Variants in CWF19L2 observed in about 807,000 individuals in gnomAD.
CWF19L2 encodes the protein CWF19 like cell cycle control factor 2.
CWF19L2 carries 98 observed loss-of-function variants against 111.7 expected under a neutral mutation model. The observed-to-expected ratio is 0.88, with a 90% CI of 0.75 to 1.04. The LOEUF (loss-of-function observed/expected upper bound fraction) is 1.04, where lower values mean the gene tolerates loss of function less well. Among genes scored for constraint, CWF19L2 ranks in the 50% least tolerant of loss-of-function variants. The pLI is 0.00. For missense variants in CWF19L2, 1,101 were observed against 1,051.4 expected (o/e 1.05, Z -0.65); for synonymous variants, 351 against 342.9 (o/e 1.02, Z -0.26).
chr11:107,405,145 TA>T (rs1294085284), intron 10 of CWF19L2, among the ~76,000 whole-genome samples: 2 of 152,238 alleles, frequency 1.3e-5, no homozygotes, highest in Non-Finnish European at 2.9e-5. Context: ...CATGACAGAT[TA>T]AAATTCTACG....
chr11:107,441,018 T>G (rs921706626), intron 5 of CWF19L2, among the ~76,000 whole-genome samples: 2 of 152,202 alleles, frequency 1.3e-5, no homozygotes, highest in Admixed American at 6.5e-5. Flanking sequence ...GTCATCAGCT[T>G]CAGCACTTCC....
In CWF19L2 at chr11:107,353,558, A is replaced by C; in HGVS notation, c.2051T>G (p.Phe684Cys). ...KCLYCFDSSQ[F>C]PKHLIVAIGV... The stretch of plus-strand genomic sequence containing the variant: ...TATTGCAACAATAAGATGCTTGGGA[A>C]ATTGAGAGCTGTCAAAACAATACAG... The change falls in exon 13 of 18, where the codon TTT (phenylalanine) becomes TGT (cysteine). Residue 684 changes from phenylalanine to cysteine, a missense_variant. Phe to Cys is a radical substitution (Grantham distance 205). Transcript: ENST00000282251. 6.2e-7 allele frequency: 1 copy of C among 1,613,748 alleles called. No homozygotes were observed. The highest frequency in any genetic ancestry group is 8.5e-7 in the Non-Finnish European group (1 of 1,179,728).
At chr11:107,403,153 T>C (rs1253408491) in intron 10 of CWF19L2, among the ~76,000 whole-genome samples, 3 of 150,324 alleles carry the variant, frequency 2.0e-5, no homozygotes, top group Non-Finnish European at 4.4e-5. Flanking sequence ...TATGGTCCAG[T>C]GTATACTGCT....
intron 10 of CWF19L2, among the ~76,000 whole-genome samples, chr11:107,401,428 C>G (rs1349555755): frequency 6.6e-6 from 1 of 152,020 alleles, no homozygotes; most frequent in Non-Finnish European, 1.5e-5. Context: ...CAACAGCGAA[C>G]AAGCAGAGAA....
At position 107,404,233 on chromosome 11, in the gene CWF19L2, G is replaced by A. The variant is rs113178446; in HGVS notation, c.1618-11338C>T. ...AAATTCATTGTACTCTTTCTGCTTC[G>A]TATCCATTTAAATATTCTTGTTTTT... On this transcript the variant is annotated intron_variant, in intron 10 of 17. Coordinates refer to ENST00000282251, the MANE Select transcript of CWF19L2 (RefSeq NM_152434.3). The A allele has an allele frequency of 1.1e-4, 87 of 777,568 alleles. 1 individual carries two copies. Among genetic ancestry groups the A allele is most frequent in the Non-Finnish European group, 1.5e-4 (63 of 417,782 alleles). The allele number at this position is 777,568 out of a possible 1,614,324, so 48.2% of individuals were successfully genotyped here.
intron 3 of CWF19L2, among the ~76,000 whole-genome samples, chr11:107,444,596 C>T (rs1024329658): frequency 6.6e-6 from 1 of 152,170 alleles, no homozygotes. Context: ...GCCTGAACTA[C>T]AATAAATTGT....
In CWF19L2 at chr11:107,418,203, C is replaced by T. The variant is rs765527718; in HGVS notation, c.1518G>A (p.Met506Ile). ...CATCTAAGAGTCTTACCATATTCCC[C>T]ATCATCTCTGCTTTGATAATCTTGG... ...LGAKIIKAEM[M>I]GNMELAEQLK... Residue 506 changes from methionine to isoleucine, a missense_variant, in exon 9 of 18, where the codon ATG becomes ATA. Physicochemically the swap from Met to Ile is conservative, Grantham distance 10. Transcript: ENST00000282251. 7 of 1,593,638 alleles carry T rather than the reference C, an allele frequency of 4.4e-6. No homozygotes were observed. The South Asian group carries it at 5.5e-5, about 13-fold the overall frequency.
chr11:107,402,630 T>C, intron 10 of CWF19L2, among the ~76,000 whole-genome samples: 1 of 151,828 alleles, frequency 6.6e-6, no homozygotes, highest in East Asian at 1.9e-4. Flanking sequence ...ACACTGCTAG[T>C]GGGAATGTAA....
intron 1 of CWF19L2, among the ~76,000 whole-genome samples, chr11:107,457,498 T>C (rs148173814): frequency 7.9e-4 from 121 of 152,278 alleles, no homozygotes; most frequent in African/African-American, 2.8e-3. Context: ...GCGACAGATC[T>C]GCCTGAAAAG....
At chr11:107,411,261 T>A (rs1433273440) in intron 10 of CWF19L2, among the ~76,000 whole-genome samples, 2 of 152,136 alleles carry the variant, frequency 1.3e-5, no homozygotes, top group Non-Finnish European at 2.9e-5. Flanking sequence ...TTAATTTCCC[T>A]TAGATGGTTA....
intron 13 of CWF19L2, among the ~76,000 whole-genome samples, chr11:107,352,270 T>A (rs1663834248): frequency 1.1e-5 from 1 of 93,368 alleles, no homozygotes; most frequent in Non-Finnish European, 2.1e-5. Context: ...ATATTCCTCT[T>A]TCGTGTTCCC....
chr11:107,428,447 A>G (rs530988279), intron 8 of CWF19L2, among the ~76,000 whole-genome samples: 35 of 152,232 alleles, frequency 2.3e-4, no homozygotes, highest in Non-Finnish European at 1.6e-4. Flanking sequence ...ATACTCAACA[A>G]TAAGATAATT....
intron 2 of CWF19L2, among the ~76,000 whole-genome samples, 159 bp from the exon 3 acceptor site, chr11:107,454,731 A>G (rs1402328285): frequency 6.6e-6 from 1 of 152,202 alleles, no homozygotes; most frequent in Non-Finnish European, 1.5e-5. Flanking sequence ...CTTTCAGGAA[A>G]TCTTAACACA....
In CWF19L2 at chr11:107,408,401, G is replaced by A. The variant is rs1411940940; in HGVS notation, c.1617+7808C>T. Among the ~76,000 whole-genome samples the A allele has an allele frequency of 1.3e-5, 2 of 151,834 alleles. 1 individual carries two copies. The highest frequency in any genetic ancestry group is 2.9e-5 in the Non-Finnish European group (2 of 67,850). ...AAGAGATGATGGTCATCTTAGTGTGGTAGATATAAAAAACAAAGAGGAGGG... is the reference window on the plus strand; with the variant it reads ...AAGAGATGATGGTCATCTTAGTGTGATAGATATAAAAAACAAAGAGGAGGG... On this transcript the variant is annotated intron_variant, in intron 10 of 17. Coordinates refer to ENST00000282251, the MANE Select transcript of CWF19L2 (RefSeq NM_152434.3).
chr11:107,361,478 G>A (rs1860335410), intron 12 of CWF19L2, among the ~76,000 whole-genome samples: 1 of 152,064 alleles, frequency 6.6e-6, no homozygotes, highest in Non-Finnish European at 1.5e-5. Flanking sequence ...GGTTCCATAT[G>A]AATTTTAATA....
At position 107,362,139 on chromosome 11, in the gene CWF19L2, G is replaced by A. The variant is rs960986234; in HGVS notation, c.1873-8403C>T. Among the ~76,000 whole-genome samples the A allele has an allele frequency of 2.6e-4, 40 of 152,218 alleles. No individual in the cohort carries two copies. The East Asian group carries it at 6.4e-3, about 24-fold the overall frequency. Reference sequence around the variant, plus strand: ...ACCGGCTTAAAAAACGGCACACTACGAGATTATATCCCGCACCTGGCTCGG... The same window carrying A: ...ACCGGCTTAAAAAACGGCACACTACAAGATTATATCCCGCACCTGGCTCGG... On this transcript the variant is annotated intron_variant, in intron 12 of 17. Coordinates refer to ENST00000282251, the MANE Select transcript of CWF19L2 (RefSeq NM_152434.3).
intron 10 of CWF19L2, among the ~76,000 whole-genome samples, chr11:107,393,715 C>A (rs1258829376): frequency 6.6e-6 from 1 of 152,090 alleles, no homozygotes; most frequent in Admixed American, 6.6e-5. Flanking sequence ...ACACAAAAAA[C>A]AGAAATGTCT....
At chr11:107,347,253 A>C (rs993518318) in intron 14 of CWF19L2, among the ~76,000 whole-genome samples, 13 of 152,198 alleles carry the variant, frequency 8.5e-5, no homozygotes, top group African/African-American at 3.1e-4. Flanking sequence ...ATATTACTAG[A>C]TACTGGTGAT....
chr11:107,343,791 T>G (rs1860039684), intron 14 of CWF19L2, among the ~76,000 whole-genome samples: 1 of 152,134 alleles, frequency 6.6e-6, no homozygotes, highest in Non-Finnish European at 1.5e-5. Flanking sequence ...ACATATATAT[T>G]TAATCACAGT....
Sources: gnomAD v4.1 joint callset for allele counts (sites outside exome capture counted in the v4.1 genomes callset) on GRCh38, gnomAD v4.1.1 for gene constraint, MANE v1.5 for transcripts, NCBI Gene and HGNC (gene_info 2026-07-23, HGNC 2026-07-21) for gene names.